The following MTCL2 variants were observed in gnomAD, a reference collection of about 807,000 sequenced individuals.
MTCL2 encodes microtubule cross-linking factor 2.
chr20:36,786,400 C>T, the MTCL2 span: 2 of 1,433,340 alleles, frequency 1.4e-6, no homozygotes, highest in Non-Finnish European at 9.2e-7. Flanking sequence ...GACACAGCCC[C>T]TCGCCTCACC....
the MTCL2 span, among the ~76,000 whole-genome samples, chr20:36,813,559 C>G: frequency 3.3e-5 from 5 of 151,038 alleles, no homozygotes; most frequent in African/African-American, 1.2e-4. Context: ...CATCGTGAAA[C>G]CCCATCTCTA....
At chr20:36,840,661 A>T in the MTCL2 span, among the ~76,000 whole-genome samples, 1 of 151,680 alleles carries the variant, frequency 6.6e-6, no homozygotes, top group East Asian at 2.0e-4. Flanking sequence ...CCTGGCTAAC[A>T]TGGTGAAAAT....
At chr20:36,814,027 G>T in the MTCL2 span, among the ~76,000 whole-genome samples, 1 of 152,080 alleles carries the variant, frequency 6.6e-6, no homozygotes, top group African/African-American at 2.4e-5. Flanking sequence ...CTGACCTCTG[G>T]TCAGATCAGA....
chr20:36,787,916 G>A, the MTCL2 span, among the ~76,000 whole-genome samples: 14 of 146,332 alleles, frequency 9.6e-5, no homozygotes, highest in Non-Finnish European at 1.7e-4. Flanking sequence ...AGTGCTGCTG[G>A]ACAGCTGGCC....
the MTCL2 span, among the ~76,000 whole-genome samples, chr20:36,839,597 A>G: frequency 6.6e-6 from 1 of 152,230 alleles, no homozygotes; most frequent in Non-Finnish European, 1.5e-5. The surrounding 1 kb of genome is among the most constrained non-coding windows in gnomAD (Gnocchi z 5.1). Context: ...TCACATTCCC[A>G]GGATCTGTGA....
chr20:36,850,300 G>A, the MTCL2 span, among the ~76,000 whole-genome samples: 38 of 152,166 alleles, frequency 2.5e-4, no homozygotes, highest in African/African-American at 8.9e-4. Flanking sequence ...AGGCCGAGAC[G>A]GACGGATTAC....
At chr20:36,845,212 A>C in the MTCL2 span, among the ~76,000 whole-genome samples, 1 of 152,332 alleles carries the variant, frequency 6.6e-6, no homozygotes, top group South Asian at 2.1e-4. Context: ...GAGCCCCCCA[A>C]GGGATTCTGA....
At chr20:36,816,086 C>T in the MTCL2 span, 1 of 1,613,622 alleles carries the variant, frequency 6.2e-7, no homozygotes, top group East Asian at 2.2e-5. Context: ...CCTCCTCCAC[C>T]AGCTTCAGGT....
the MTCL2 span, among the ~76,000 whole-genome samples, chr20:36,853,702 GGT>G: frequency 0.2 from 29,059 of 143,678 alleles, 2,925 homozygotes; most frequent in South Asian, 0.23. Flanking sequence ...ATCAGGGAGG[GGT>G]GTGTGTGTGT....
chr20:36,779,006 C>A, the MTCL2 span: 1 of 152,736 alleles, frequency 6.5e-6, no homozygotes, highest in Non-Finnish European at 1.5e-5. Context: ...GTCCAGAAAG[C>A]TGGTGAAGGG....
the MTCL2 span, chr20:36,829,116 G>A: frequency 5.1e-6 from 8 of 1,577,810 alleles, no homozygotes; most frequent in Non-Finnish European, 5.2e-6. Context: ...TCGATGAGCC[G>A]CTGACGAAGC....
At chr20:36,824,519 A>C in the MTCL2 span, among the ~76,000 whole-genome samples, 1 of 152,060 alleles carries the variant, frequency 6.6e-6, no homozygotes. Context: ...GGGAGTGGGG[A>C]GTGACTGTTC....
chr20:36,788,132 C>A, the MTCL2 span, among the ~76,000 whole-genome samples: 1 of 142,470 alleles, frequency 7.0e-6, no homozygotes, highest in African/African-American at 2.6e-5. Flanking sequence ...ACTCAGGAGG[C>A]GGAGGTTGCA....
chr20:36,798,848 A>C, the MTCL2 span, among the ~76,000 whole-genome samples: 1 of 152,186 alleles, frequency 6.6e-6, no homozygotes, highest in Admixed American at 6.5e-5. Context: ...CAGTGTTTGC[A>C]TTGAAAGTCC....
chr20:36,812,265 T>C, the MTCL2 span, among the ~76,000 whole-genome samples: 2 of 152,172 alleles, frequency 1.3e-5, no homozygotes, highest in African/African-American at 4.8e-5. Flanking sequence ...TCAACAACCC[T>C]GTGAGGCACC....
the MTCL2 span, among the ~76,000 whole-genome samples, chr20:36,790,913 C>T: frequency 5.7e-4 from 87 of 152,172 alleles, 1 homozygote; most frequent in African/African-American, 2.0e-3. Flanking sequence ...TTTTAAATGT[C>T]AGCCAGCTGA....
the MTCL2 span, chr20:36,815,942 C>G: frequency 6.2e-7 from 1 of 1,612,890 alleles, no homozygotes; most frequent in Non-Finnish European, 8.5e-7. This position sits in a 1 kb window ranked among gnomAD's most constrained non-coding sequence, Gnocchi z 5.3. Flanking sequence ...CTCCGCCACC[C>G]AGCGCGGAGA....
the MTCL2 span, chr20:36,797,372 G>A: frequency 1.1e-6 from 1 of 886,398 alleles, no homozygotes; most frequent in Admixed American, 2.5e-5. Context: ...CTCCAGGGCT[G>A]AGGAGCCCAA....
the MTCL2 span, among the ~76,000 whole-genome samples, chr20:36,832,305 C>T: frequency 6.6e-6 from 1 of 152,222 alleles, no homozygotes; most frequent in African/African-American, 2.4e-5. Context: ...TCTGGGCCAG[C>T]TCCTCTCCAC....
Sources: allele counts gnomAD v4.1 joint callset (sites outside exome capture counted in the v4.1 genomes callset), GRCh38; gene constraint gnomAD v4.1.1; non-coding constraint Gnocchi (gnomAD v3.1); transcripts MANE v1.5; gene names NCBI Gene and HGNC (gene_info 2026-07-23, HGNC 2026-07-21).